ZNF586: variants seen among roughly 807,000 people sequenced by gnomAD.
The protein encoded by ZNF586 is zinc finger protein 586.
A neutral mutation model predicts 6.7 loss-of-function variants in ZNF586; 7 were observed. That is an observed-to-expected ratio of 1.04 (90% confidence interval 0.59 to 1.95). The LOEUF is 1.95. Among genes scored for constraint, ZNF586 ranks in the 30% most tolerant of loss-of-function variants. The pLI, the probability that ZNF586 is intolerant of heterozygous loss-of-function variation, is 0.00. For synonymous variants in ZNF586, 166 were observed against 168.7 expected, an observed-to-expected ratio of 0.98 and a Z score of 0.12; for missense variants, 442 against 489.6, an observed-to-expected ratio of 0.90 and a Z score of 0.92.
Position 57,778,905 on chromosome 19 carries a change from C to G in ZNF586, c.318C>G (p.Pro106=), listed in dbSNP as rs1262896107. 6.2e-7 allele frequency: 1 copy of G among 1,613,900 alleles called. No individual in the cohort carries two copies. The highest frequency in any genetic ancestry group is 8.5e-7 in the Non-Finnish European group (1 of 1,180,022). Reference sequence around the variant, plus strand: ...AGAACAAGTCCTGCCTCACTGAACCCAGAAGAGATCACAAACACAGGAATG... The same window carrying G: ...AGAACAAGTCCTGCCTCACTGAACCGAGAAGAGATCACAAACACAGGAATG... ...LFKNKSCLTE[P]RRDHKHRNVR... is the part of the protein sequence containing the mutation. The change falls in exon 3 of 3, where the codon CCC becomes CCG. Residue 106 remains proline, a synonymous_variant. Coordinates refer to ENST00000396154, the MANE Select transcript of ZNF586 (RefSeq NM_017652.4).
rs1303113979 is a variant in ZNF586, at chr19:57,776,726, C to T, written c.163+57C>T. 3.1e-5 allele frequency: 47 copies of T among 1,514,382 alleles called. No homozygotes were observed. The Admixed American group carries it at 9.8e-4, about 32-fold the overall frequency. 93.8% of individuals were successfully genotyped at this position (1,514,382 alleles called of 1,614,324 possible). On this transcript the variant is annotated intron_variant, in intron 2 of 2. Coordinates refer to ENST00000396154, the MANE Select transcript of ZNF586 (RefSeq NM_017652.4). ...TTAGTCTGTGCCCCTCACCTTTATG[C>T]CTTATCTCTTTCTCACACCAGGACC...
In ZNF586 at chr19:57,779,422, C is replaced by G. The variant is rs775907399; in HGVS notation, c.835C>G (p.Gln279Glu). 1 of 1,613,476 alleles carries G rather than the reference C, an allele frequency of 6.2e-7. No homozygotes were observed. The highest frequency in any genetic ancestry group is 8.5e-7 in the Non-Finnish European group (1 of 1,179,928). The change falls in exon 3 of 3, where the codon CAG (glutamine) becomes GAG (glutamate). Residue 279 changes from glutamine (Q) to glutamate (E), a missense_variant. By Grantham distance (29) the Gln-to-Glu change is conservative. Coordinates refer to ENST00000396154, the MANE Select transcript of ZNF586 (RefSeq NM_017652.4). ...KSFRRSSSLL[Q>E]HQRVHTRERP... ...ATTTCGCCGAAGCTCTTCACTCTTGCAGCATCAGAGAGTTCACACTAGAGA... is the reference window on the plus strand; with the variant it reads ...ATTTCGCCGAAGCTCTTCACTCTTGGAGCATCAGAGAGTTCACACTAGAGA...
intron 1 of ZNF586, 80 bp downstream of exon 1, chr19:57,769,958 G>A: frequency 1.8e-6 from 2 of 1,118,416 alleles, no homozygotes; most frequent in South Asian, 1.6e-5. Flanking sequence ...CCGCCTCCTC[G>A]CGTCCCTGCA....
rs754381295 is a variant in ZNF586 at position 57,776,686 on chromosome 19, C to T, written c.163+17C>T. 11 of 1,584,168 alleles carry T rather than the reference C, an allele frequency of 6.9e-6. No homozygotes were observed. The highest frequency in any genetic ancestry group is 1.2e-5 in the South Asian group (1 of 86,748). On this transcript the variant is annotated intron_variant, in intron 2 of 2. Coordinates refer to ENST00000396154, the MANE Select transcript of ZNF586 (RefSeq NM_017652.4). ...CCTCCCTGGGTAAGGTACTCATATTCACCTGTGACCTGAGTTAGTCTGTGC... is the reference window on the plus strand; with the variant it reads ...CCTCCCTGGGTAAGGTACTCATATTTACCTGTGACCTGAGTTAGTCTGTGC...
chr19:57,780,293 G>A lies in ZNF586; in HGVS notation c.*497G>A, dbSNP rs1405680166. 1 of 158,598 alleles carries A rather than the reference G, an allele frequency of 6.3e-6. No individual in the cohort carries two copies. Among genetic ancestry groups the A allele is most frequent in the Non-Finnish European group, 1.4e-5 (1 of 71,596 alleles). The allele number at this position is 158,598 out of a possible 1,614,324, so 9.8% of individuals were successfully genotyped here. On this transcript the variant is annotated 3_prime_UTR_variant, in exon 3 of 3. Coordinates refer to ENST00000396154, the MANE Select transcript of ZNF586 (RefSeq NM_017652.4). ...CATTCGCCTAACTCATCATGATCCA[G>A]AAGTAACTTTGATTTTGTTTCATTC...
Position 57,769,839 on chromosome 19 carries a change from A to G in ZNF586, c.-4A>G. 1.3e-6 allele frequency: 2 copies of G among 1,542,752 alleles called. No homozygotes were observed. Among genetic ancestry groups the G allele is most frequent in the Non-Finnish European group, 1.7e-6 (2 of 1,144,234 alleles). ...GAGCCCGCGTTCCCCCCCCGCCCAG[A>G]GTCATGGCGGCAGCAGCCGCTCTGA... On this transcript the variant is annotated 5_prime_UTR_variant, in exon 1 of 3. Coordinates refer to ENST00000396154, the MANE Select transcript of ZNF586 (RefSeq NM_017652.4).
At chr19:57,776,379 T>C (rs1315159515) in intron 1 of ZNF586, among the ~76,000 whole-genome samples, 164 bp from the exon 2 acceptor site, 1 of 152,194 alleles carries the variant, frequency 6.6e-6, no homozygotes, top group Non-Finnish European at 1.5e-5. Context: ...GTGTCATGAT[T>C]AATGGTCCCA....
At chr19:57,776,167 C>T (rs1436990673) in intron 1 of ZNF586, among the ~76,000 whole-genome samples, 3 of 152,114 alleles carry the variant, frequency 2.0e-5, no homozygotes, top group African/African-American at 7.2e-5. Context: ...TGGCAATTGG[C>T]ATGTGTCTGT....
chr19:57,778,678 C>G, intron 2 of ZNF586, 73 bp from the exon 3 acceptor site: 2 of 1,435,170 alleles, frequency 1.4e-6, no homozygotes, highest in South Asian at 2.8e-5. Flanking sequence ...TTTGGTTTGT[C>G]AGATACTCTT....
chr19:57,776,961 AG>A (rs1987253225), intron 2 of ZNF586, among the ~76,000 whole-genome samples: 1 of 152,066 alleles, frequency 6.6e-6, no homozygotes, highest in Non-Finnish European at 1.5e-5. Flanking sequence ...TGCAGATCCA[AG>A]GCTTCTGTTT....
chr19:57,769,679 T>C lies in ZNF586; in HGVS notation c.-164T>C. Reference sequence around the variant, plus strand: ...CCTAGCCGTGGCAGCCATTTTGGCCTGTCAGGTCCATCCGGCGATGCTGGG... The same window carrying C: ...CCTAGCCGTGGCAGCCATTTTGGCCCGTCAGGTCCATCCGGCGATGCTGGG... On this transcript the variant is annotated 5_prime_UTR_variant, in exon 1 of 3. Coordinates refer to ENST00000396154, the MANE Select transcript of ZNF586 (RefSeq NM_017652.4). 1 of 730,584 alleles carries C rather than the reference T, an allele frequency of 1.4e-6. No individual in the cohort carries two copies. The highest frequency in any genetic ancestry group is 1.8e-5 in the African/African-American group (1 of 55,794). 45.3% of individuals were successfully genotyped at this position (730,584 alleles called of 1,614,324 possible).
chr19:57,779,875 G>A lies in ZNF586; in HGVS notation c.*79G>A, dbSNP rs1295726943. ...AGTTCACACCAGATCAAGGTGTTAT[G>A]AGTGTGACAAATGGGGAATATTCTT... is the stretch of plus-strand genomic sequence containing the variant. On this transcript the variant is annotated 3_prime_UTR_variant, in exon 3 of 3. Coordinates refer to ENST00000396154, the MANE Select transcript of ZNF586 (RefSeq NM_017652.4). The A allele has an allele frequency of 6.6e-6, 8 of 1,214,946 alleles. No homozygotes were observed. Among genetic ancestry groups the A allele is most frequent in the African/African-American group, 6.1e-5 (4 of 65,520 alleles). 75.3% of individuals were successfully genotyped at this position (1,214,946 alleles called of 1,614,324 possible). A position where few individuals can be genotyped will look rare whatever the true frequency, so the allele number is the denominator to read the frequency against.
At chr19:57,773,526 C>A (rs1987149627) in intron 1 of ZNF586, among the ~76,000 whole-genome samples, 1 of 151,490 alleles carries the variant, frequency 6.6e-6, no homozygotes, top group Non-Finnish European at 1.5e-5. Flanking sequence ...GCCTCAGCCT[C>A]CCGAGTAGCT....
chr19:57,771,456 C>T (rs545641749), intron 1 of ZNF586, among the ~76,000 whole-genome samples: 1 of 152,158 alleles, frequency 6.6e-6, no homozygotes, highest in South Asian at 2.1e-4. Flanking sequence ...CACTTAAGTG[C>T]CATTTCTCCG....
chr19:57,779,761 CAG>C lies in ZNF586; in HGVS notation c.1179_1180del (p.Arg393SerfsTer9), dbSNP rs539793739. On this transcript the variant is annotated frameshift_variant, in exon 3 of 3. Coordinates refer to ENST00000396154, the MANE Select transcript of ZNF586 (RefSeq NM_017652.4). LOFTEE classifies it low-confidence loss of function (END_TRUNC). ...CCACAGTTCTTCGTTCCGTCGCCAT[CAG>C]AGAGTTCATACTGGAATGAGGCCTT... ...FRHSSSFRRH[Q>X]RVHTGMRPYK 6.8e-6 allele frequency: 11 copies of C among 1,607,518 alleles called. No homozygotes were observed. Among genetic ancestry groups the C allele is most frequent in the Non-Finnish European group, 8.5e-6 (10 of 1,176,256 alleles).
At position 57,769,887 on chromosome 19, in the gene ZNF586, T is replaced by C; in HGVS notation, c.36+9T>C. ...TGAGGGCGCCTGCTCAGGTGAGCGC[T>C]GCGACCTCCGGGCCTTACCCACCCT... On this transcript the variant is annotated intron_variant, in intron 1 of 2. Transcript: ENST00000396154. 6.5e-7 allele frequency: 1 copy of C among 1,538,344 alleles called. No individual in the cohort carries two copies. The highest frequency in any genetic ancestry group is 8.8e-7 in the Non-Finnish European group (1 of 1,141,584).
chr19:57,774,378 C>T (rs1272353159), intron 1 of ZNF586, among the ~76,000 whole-genome samples: 3 of 151,222 alleles, frequency 2.0e-5, no homozygotes, highest in African/African-American at 7.3e-5. Context: ...ATAAAATTAG[C>T]CAGGCGTGGT....
At chr19:57,774,211 C>A (rs1186815826) in intron 1 of ZNF586, among the ~76,000 whole-genome samples, 1 of 97,286 alleles carries the variant, frequency 1.0e-5, no homozygotes, top group South Asian at 3.1e-4. Context: ...AGTGAAACTC[C>A]GTCTCAAAAA....
intron 1 of ZNF586, among the ~76,000 whole-genome samples, chr19:57,774,084 G>A (rs1987162866): frequency 6.6e-6 from 1 of 151,920 alleles, no homozygotes; most frequent in South Asian, 2.1e-4. Flanking sequence ...TGACGTGGTG[G>A]CAGGCACCTG....
Sources: allele counts gnomAD v4.1 joint callset (sites outside exome capture counted in the v4.1 genomes callset), GRCh38; gene constraint gnomAD v4.1.1; transcripts MANE v1.5; gene names NCBI Gene and HGNC (gene_info 2026-07-23, HGNC 2026-07-21).